TMEM18: variants seen among roughly 807,000 people sequenced by gnomAD.
TMEM18 encodes the protein transmembrane protein 18.
A neutral mutation model predicts 17.4 loss-of-function variants in TMEM18; 14 were observed. That is an observed-to-expected ratio of 0.80 (90% CI 0.53 to 1.25). The LOEUF is 1.25. Ranked by LOEUF, TMEM18 falls within the 50% of genes most tolerant of loss-of-function variation. The probability of loss-of-function intolerance (pLI) is 0.00; values close to 1 mark genes in which losing one functional copy is unlikely to be tolerated. For synonymous variants in TMEM18, 86 were observed against 66.1 expected (o/e 1.30, Z -1.46); for missense variants, 187 against 172.1 (o/e 1.09, Z -0.48).
chr2:676,139 G>A (rs757475955), intron 1 of TMEM18: 2 of 1,326,324 alleles, frequency 1.5e-6, no homozygotes, highest in South Asian at 1.2e-5. Flanking sequence ...CCATCGCCAC[G>A]TGCAAGACTT....
At chr2:672,903 G>T in intron 2 of TMEM18, 41 bp from the exon 3 acceptor site, 2 of 1,467,108 alleles carry the variant, frequency 1.4e-6, no homozygotes, top group Non-Finnish European at 1.8e-6. Context: ...TAGATGGCCC[G>T]TTATTACTCG....
Position 677,368 on chromosome 2 carries a change from C to T in TMEM18, c.-23G>A. The T allele has an allele frequency of 6.2e-7, 1 of 1,606,088 alleles. No individual in the cohort carries two copies. ...CATGGTGTTGGGAAGCCCGCTCTCA[C>T]AGCAACCGCCGAACCCGGCCTGGCC... is the stretch of plus-strand genomic sequence containing the variant. On this transcript the variant is annotated 5_prime_UTR_variant, in exon 1 of 5. In the 5' UTR this introduces an upstream ATG that the reference lacks. Coordinates refer to ENST00000281017, the MANE Select transcript of TMEM18 (RefSeq NM_152834.4).
At chr2:672,207 GC>G (rs1464924897) in intron 3 of TMEM18, among the ~76,000 whole-genome samples, 1 of 152,116 alleles carries the variant, frequency 6.6e-6, no homozygotes, top group African/African-American at 2.4e-5. Flanking sequence ...GCCATTTTTA[GC>G]TCACAGGCCA....
intron 2 of TMEM18, among the ~76,000 whole-genome samples, chr2:673,733 GGGAGGAGGA>G (rs1220079951): frequency 6.7e-6 from 1 of 148,992 alleles, no homozygotes; most frequent in Non-Finnish European, 1.5e-5. Context: ...GGGGAGGGGA[GGGAGGAGGA>G]GGAGGAGGAG....
chr2:674,799 G>C (rs1213138350), intron 2 of TMEM18, among the ~76,000 whole-genome samples: 1 of 152,232 alleles, frequency 6.6e-6, no homozygotes, highest in Non-Finnish European at 1.5e-5. Flanking sequence ...AGAGTAGCCT[G>C]AGCCAGGCCT....
intron 1 of TMEM18, among the ~76,000 whole-genome samples, chr2:676,997 GCCCCGCCCCT>G (rs983397672): frequency 1.4e-5 from 2 of 145,354 alleles, no homozygotes; most frequent in African/African-American, 5.1e-5. Context: ...GCCCCGCCCG[GCCCCGCCCCT>G]CCCCGCCCAA....
At position 675,617 on chromosome 2, in the gene TMEM18, G is replaced by A. The variant is rs1288144642; in HGVS notation, c.71C>T (p.Thr24Ile). 3.7e-6 allele frequency: 6 copies of A among 1,614,082 alleles called. No homozygotes were observed. In the East Asian group the frequency reaches 8.9e-5, roughly 24 times the overall value. The stretch of plus-strand genomic sequence containing the variant: ...GGCCAGCCCCATGAGCCAGGGCTCA[G>A]TCCAGTCCGTCTGCTGTAGGAACAC... The part of the protein sequence containing the change: ...IPAVLTQTDW[T>I]EPWLMGLATF... The change falls in exon 2 of 5, where the codon ACT (threonine) becomes ATT (isoleucine). Residue 24 changes from threonine to isoleucine, a missense_variant. Physicochemically the swap from Thr to Ile is moderately conservative, Grantham distance 89. Transcript: ENST00000281017.
At chr2:676,914 C>A in intron 1 of TMEM18, 2 of 512,878 alleles carry the variant, frequency 3.9e-6, no homozygotes, top group Non-Finnish European at 6.8e-6. Flanking sequence ...CCGCACGGTG[C>A]AGGACGCCAG....
chr2:676,211 TC>T, intron 1 of TMEM18: 2 of 1,382,058 alleles, frequency 1.4e-6, no homozygotes, highest in Non-Finnish European at 1.9e-6. Flanking sequence ...CTCCGCCGCC[TC>T]CTGGACTCCC....
At chr2:669,943 G>T (rs1261074592) in intron 3 of TMEM18, 93 bp from the exon 4 acceptor site, 3 of 999,800 alleles carry the variant, frequency 3.0e-6, no homozygotes, top group East Asian at 5.2e-5. Flanking sequence ...GGAGAGAGCT[G>T]ATGTGGACTG....
At chr2:676,635 C>T in intron 1 of TMEM18, 2 of 1,550,128 alleles carry the variant, frequency 1.3e-6, no homozygotes, top group Non-Finnish European at 1.7e-6. Flanking sequence ...CCATCGAGTG[C>T]CCATGTCACC....
rs774843750 is a variant in TMEM18 at position 676,058 on chromosome 2, C to T, written c.58-428G>A. ...GCTCAAAGAGATGCACTTGGCTCAG[C>T]CCCAAAGGTAAAACATGAATCATCA... On this transcript the variant is annotated intron_variant, in intron 1 of 4. Transcript: ENST00000281017. 6.1e-6 allele frequency: 8 copies of T among 1,320,642 alleles called. No individual in the cohort carries two copies. The South Asian group carries it at 8.6e-5, about 14-fold the overall frequency. The allele number at this position is 1,320,642 out of a possible 1,614,324, so 81.8% of individuals were successfully genotyped here. A position where few individuals can be genotyped will look rare whatever the true frequency, so the allele number is the denominator to read the frequency against.
In TMEM18 at chr2:677,386, G is replaced by A. The variant is rs796630466; in HGVS notation, c.-41C>T. On this transcript the variant is annotated 5_prime_UTR_variant, in exon 1 of 5. Transcript: ENST00000281017. The stretch of plus-strand genomic sequence containing the variant: ...GCTCTCACAGCAACCGCCGAACCCG[G>A]CCTGGCCAGAATCCACAGAGGAGGG... 1.2e-6 allele frequency: 2 copies of A among 1,603,074 alleles called. No individual in the cohort carries two copies. The highest frequency in any genetic ancestry group is 1.7e-6 in the Non-Finnish European group (2 of 1,176,388).
intron 3 of TMEM18, 176 bp from the exon 4 acceptor site, chr2:670,026 A>C: frequency 1.7e-6 from 1 of 588,474 alleles, no homozygotes; most frequent in East Asian, 2.8e-5. Context: ...TCCCAAATGC[A>C]ATGAATGCTC....
intron 1 of TMEM18, 64 bp downstream of exon 1, chr2:677,225 G>T (rs1334871162): frequency 1.3e-6 from 2 of 1,558,436 alleles, no homozygotes; most frequent in East Asian, 4.6e-5. Context: ...GTGCTCTGTG[G>T]GGCCTACCCT....
In TMEM18 at chr2:666,924, A is replaced by G. The variant is rs895565377; in HGVS notation, c.*2656T>C. On this transcript the variant is annotated 3_prime_UTR_variant, in exon 5 of 5. Transcript: ENST00000281017. ...GAAAAGATGCTTGGGCCTGACCGGT[A>G]TATCTCTGACGGCAATTCTCGTCTG... is the stretch of plus-strand genomic sequence containing the variant. Among the ~76,000 whole-genome samples, 5 of 151,782 alleles carry G rather than the reference A, an allele frequency of 3.3e-5. No individual in the cohort carries two copies. Among genetic ancestry groups the G allele is most frequent in the South Asian group, 2.1e-4 (1 of 4,816 alleles).
Position 666,104 on chromosome 2 carries a change from G to A in TMEM18, c.*3476C>T, listed in dbSNP as rs1194344715. On this transcript the variant is annotated 3_prime_UTR_variant, in exon 5 of 5. Coordinates refer to ENST00000281017, the MANE Select transcript of TMEM18 (RefSeq NM_152834.4). ...AGGCAGATGCCCAGCTCACTCAGAT[G>A]AAGCATCAACCCCATGCACAACAGG... 6.6e-6 allele frequency among the ~76,000 whole-genome samples: 1 copy of A among 152,206 alleles called. No individual in the cohort carries two copies.
At chr2:677,112 C>G (rs1465886658) in intron 1 of TMEM18, 177 bp downstream of exon 1, 1 of 732,848 alleles carries the variant, frequency 1.4e-6, no homozygotes, top group African/African-American at 1.9e-5. Context: ...GCGCCCCCGA[C>G]GCCGGCCCCG....
At chr2:670,084 G>A in intron 3 of TMEM18, 1 of 502,018 alleles carries the variant, frequency 2.0e-6, no homozygotes, top group East Asian at 3.5e-5. Flanking sequence ...ACACCACCCA[G>A]CAGCACAGGA....
Sources: gnomAD v4.1 joint callset for allele counts (sites outside exome capture counted in the v4.1 genomes callset) on GRCh38, gnomAD v4.1.1 for gene constraint, MANE v1.5 for transcripts, NCBI Gene and HGNC (gene_info 2026-07-23, HGNC 2026-07-21) for gene names.